CENPF: variants seen among roughly 807,000 people sequenced by gnomAD.
The protein encoded by CENPF is AH antigen.
CENPF carries 214 observed loss-of-function variants against 307.3 expected under a neutral mutation model. The observed-to-expected ratio is 0.70, with a 90% confidence interval of 0.62 to 0.78. The LOEUF (loss-of-function observed/expected upper bound fraction) is 0.78, where lower values mean the gene tolerates loss of function less well. Among genes scored for constraint, CENPF ranks in the 30% least tolerant of loss-of-function variants. The pLI is 0.00. For missense variants in CENPF, 3,401 were observed against 3,483.9 expected, an observed-to-expected ratio of 0.98 and a Z score of 0.60; for synonymous variants, 1,259 against 1,270.6, an observed-to-expected ratio of 0.99 and a Z score of 0.19.
rs74639538 is a variant in CENPF, at chr1:214,645,785, C to A, written c.6215C>A (p.Ser2072Tyr). Residue 2072 changes from serine (S) to tyrosine (Y), a missense_variant, in exon 13 of 20, where the codon TCT becomes TAT. Transcript: ENST00000366955. ...NKEKELLVKE[S>Y]ESLQARLSES... The stretch of plus-strand genomic sequence containing the variant: ...GAGAAAGAATTGCTTGTCAAGGAAT[C>A]TGAAAGCCTGCAGGCCAGACTGAGT... The A allele has an allele frequency of 6.2e-7, 1 of 1,614,150 alleles. No homozygotes were observed. The highest frequency in any genetic ancestry group is 1.1e-5 in the South Asian group (1 of 91,078).
chr1:214,650,445 G>T (rs1658431232), intron 14 of CENPF, among the ~76,000 whole-genome samples: 1 of 152,150 alleles, frequency 6.6e-6, no homozygotes, highest in South Asian at 2.1e-4. Context: ...GGTAGAAAAT[G>T]ATGGAGAAGA....
intron 11 of CENPF, among the ~76,000 whole-genome samples, chr1:214,638,302 C>T (rs1051466179): frequency 1.2e-4 from 19 of 152,130 alleles, no homozygotes; most frequent in Non-Finnish European, 1.8e-4. Flanking sequence ...CTCTCACCCC[C>T]GAGTGCTATT....
chr1:214,658,652 G>C (rs1024316952), intron 18 of CENPF, among the ~76,000 whole-genome samples, 198 bp from the exon 19 acceptor site: 3 of 152,038 alleles, frequency 2.0e-5, no homozygotes, highest in Non-Finnish European at 4.4e-5. Context: ...TCTAATAAGA[G>C]AAAAACCTGT....
intron 18 of CENPF, 31 bp from the exon 19 acceptor site, chr1:214,658,819 C>T (rs771754927): frequency 1.2e-6 from 2 of 1,605,024 alleles, no homozygotes; most frequent in Non-Finnish European, 8.5e-7. Context: ...TTGGACCTAG[C>T]AGTGCTGACA....
intron 16 of CENPF, chr1:214,653,832 G>C (rs1264405592): frequency 6.6e-6 from 1 of 152,168 alleles, no homozygotes; most frequent in Non-Finnish European, 1.5e-5. Context: ...ATGTTCTGCT[G>C]CTACAAAATG....
Position 214,607,050 on chromosome 1 carries a change from G to A in CENPF, c.-42+3729G>A, listed in dbSNP as rs372069349. On this transcript the variant is annotated intron_variant, in intron 1 of 19. Coordinates refer to ENST00000366955, the MANE Select transcript of CENPF (RefSeq NM_016343.4). ...GCCTCCTGGCAGCACTCCACAGCTCGCCACTCACCCATGCCCCAAAGGATG... is the reference window on the plus strand; with the variant it reads ...GCCTCCTGGCAGCACTCCACAGCTCACCACTCACCCATGCCCCAAAGGATG... 2.2e-4 allele frequency among the ~76,000 whole-genome samples: 34 copies of A among 152,278 alleles called. 1 individual carries two copies. In the East Asian group the frequency reaches 3.9e-3, roughly 17 times the overall value.
intron 1 of CENPF, among the ~76,000 whole-genome samples, chr1:214,607,569 C>A (rs1657069971): frequency 6.6e-6 from 1 of 152,208 alleles, no homozygotes; most frequent in South Asian, 2.1e-4. Context: ...CCTCTGACTT[C>A]TCAGAGCTAT....
intron 10 of CENPF, among the ~76,000 whole-genome samples, chr1:214,635,699 G>A (rs1657943738): frequency 2.0e-5 from 3 of 152,148 alleles, no homozygotes. Flanking sequence ...TCCCAGGATT[G>A]GCTGAACATT....
chr1:214,655,063 G>GT (rs2102416655), intron 16 of CENPF, 178 bp from the exon 17 acceptor site: 1 of 408,146 alleles, frequency 2.5e-6, no homozygotes, highest in East Asian at 4.0e-5. Flanking sequence ...TTGTCAGTTG[G>GT]GGGGACTTAG....
chr1:214,618,637 T>A lies in CENPF; in HGVS notation c.424T>A (p.Cys142Ser). ...GTCTGCAGATGTCTCTCTGAATCCATGCAATACACCACAAAAAATTTTTAC... is the reference window on the plus strand; with the variant it reads ...GTCTGCAGATGTCTCTCTGAATCCAAGCAATACACCACAAAAAATTTTTAC... ...AQSADVSLNPCNTPQKIFTTP... is the reference protein window; with the variant it reads ...AQSADVSLNPSNTPQKIFTTP... Residue 142 changes from cysteine (C) to serine (S), a missense_variant, in exon 4 of 20, where the codon TGC becomes AGC. Transcript: ENST00000366955. 1 of 1,614,090 alleles carries A rather than the reference T, an allele frequency of 6.2e-7. No homozygotes were observed. The highest frequency in any genetic ancestry group is 8.5e-7 in the Non-Finnish European group (1 of 1,179,972).
At position 214,615,042 on chromosome 1, in the gene CENPF, A is replaced by G; in HGVS notation, c.359+14A>G. On this transcript the variant is annotated intron_variant, in intron 3 of 19. Coordinates refer to ENST00000366955, the MANE Select transcript of CENPF (RefSeq NM_016343.4). ...GGAACTTAAAAGGTAATATTTTGGG[A>G]TGGTATTTATAGGGATGATATTTGT... 3 of 1,564,814 alleles carry G rather than the reference A, an allele frequency of 1.9e-6. No individual in the cohort carries two copies. The highest frequency in any genetic ancestry group is 2.6e-6 in the Non-Finnish European group (3 of 1,148,188).
chr1:214,607,120 T>C (rs1342855726), intron 1 of CENPF, among the ~76,000 whole-genome samples: 1 of 152,186 alleles, frequency 6.6e-6, no homozygotes, highest in African/African-American at 2.4e-5. Flanking sequence ...TTAGCCTCCC[T>C]GGCCTGCTCC....
At chr1:214,633,984 G>T (rs1159224937) in intron 10 of CENPF, among the ~76,000 whole-genome samples, 1 of 152,194 alleles carries the variant, frequency 6.6e-6, no homozygotes, top group Non-Finnish European at 1.5e-5. Context: ...GCAATCATCT[G>T]GTTAAGAGAG....
In CENPF at chr1:214,663,745, C is replaced by T. The variant is rs1302834585; in HGVS notation, c.9296C>T (p.Pro3099Leu). Reference protein sequence around the residue: ...RVKRGRLVPSPKAGLESNGSE... With the variant: ...RVKRGRLVPSLKAGLESNGSE... Reference sequence around the variant, plus strand: ...AAGCGAGGCCGACTTGTCCCCAGCCCCAAAGCTGGACTGGAGTCCAACGGC... The same window carrying T: ...AAGCGAGGCCGACTTGTCCCCAGCCTCAAAGCTGGACTGGAGTCCAACGGC... The change falls in exon 20 of 20, where the codon CCC (proline) becomes CTC (leucine). Residue 3099 changes from proline to leucine, a missense_variant. Coordinates refer to ENST00000366955, the MANE Select transcript of CENPF (RefSeq NM_016343.4). The T allele has an allele frequency of 6.2e-7, 1 of 1,614,064 alleles. No individual in the cohort carries two copies. Among genetic ancestry groups the T allele is most frequent in the Admixed American group, 1.7e-5 (1 of 60,018 alleles).
chr1:214,633,932 C>T (rs1429256193), intron 10 of CENPF, among the ~76,000 whole-genome samples: 1 of 152,214 alleles, frequency 6.6e-6, no homozygotes, highest in Non-Finnish European at 1.5e-5. Context: ...CAGGAACTCT[C>T]CCGCGACTCC....
rs1399821439 is a variant in CENPF at position 214,663,890 on chromosome 1, TAGTG to T, written c.*99_*102del. 4 of 906,912 alleles carry T rather than the reference TAGTG, an allele frequency of 4.4e-6. No individual in the cohort carries two copies. The highest frequency in any genetic ancestry group is 6.7e-6 in the Non-Finnish European group (4 of 600,554). The allele number at this position is 906,912 out of a possible 1,614,324, so 56.2% of individuals were successfully genotyped here. The stretch of plus-strand genomic sequence containing the variant: ...TCTCTTTAGTCAGGGCATGCTTTAT[TAGTG>T]AGGAGAAAACAATTCCTTAGAAGTC... On this transcript the variant is annotated 3_prime_UTR_variant, in exon 20 of 20. Transcript: ENST00000366955.
At chr1:214,652,696 G>A (rs1658519855) in intron 15 of CENPF, 132 bp from the exon 16 acceptor site, 1 of 661,046 alleles carries the variant, frequency 1.5e-6, no homozygotes, top group Non-Finnish European at 2.4e-6. Context: ...GCCCACCTTG[G>A]CCTCCCAAAG....
Position 214,645,747 on chromosome 1 carries a change from A to G in CENPF, c.6177A>G (p.Ala2059=), listed in dbSNP as rs1401106317. ...LTKCELENQI[A]QLNKEKELLV... is the part of the protein sequence containing the mutation. ...AATGTGAGCTGGAAAACCAAATTGC[A>G]CAACTGAATAAAGAGAAAGAATTGC... Residue 2059 remains alanine, a synonymous_variant, in exon 13 of 20, where the codon GCA becomes GCG. Transcript: ENST00000366955. 6.2e-7 allele frequency: 1 copy of G among 1,614,222 alleles called. No individual in the cohort carries two copies. Among genetic ancestry groups the G allele is most frequent in the East Asian group, 2.2e-5 (1 of 44,880 alleles).
rs745385022 is a variant in CENPF at position 214,653,023 on chromosome 1, A to T, written c.8322+34A>T. 13 of 1,561,482 alleles carry T rather than the reference A, an allele frequency of 8.3e-6. No individual in the cohort carries two copies. The East Asian group carries it at 2.9e-4, about 35-fold the overall frequency. Reference sequence around the variant, plus strand: ...ACTTTAATTTGCTTCATGATTTCGAATGGTTTATACAGGTGGTAGTGATTT... The same window carrying T: ...ACTTTAATTTGCTTCATGATTTCGATTGGTTTATACAGGTGGTAGTGATTT... On this transcript the variant is annotated intron_variant, in intron 16 of 19. Transcript: ENST00000366955.
Sources: gnomAD v4.1 joint callset for allele counts (sites outside exome capture counted in the v4.1 genomes callset) on GRCh38, gnomAD v4.1.1 for gene constraint, MANE v1.5 for transcripts, NCBI Gene and HGNC (gene_info 2026-07-23, HGNC 2026-07-21) for gene names.